The following FRMD3 variants were observed in gnomAD, a reference collection of about 807,000 sequenced individuals.
The protein encoded by FRMD3 is FERM domain containing 3.
Under a neutral mutation model 70.2 loss-of-function variants are expected in FRMD3, and 33 were observed. The observed-to-expected ratio is 0.47, with a 90% confidence interval of 0.36 to 0.63. The LOEUF (loss-of-function observed/expected upper bound fraction) is 0.63, where lower values mean the gene tolerates loss of function less well. FRMD3 is among the 20% of genes least tolerant of loss of function. The pLI is 0.00. For synonymous variants in FRMD3, 279 were observed against 255.9 expected (o/e 1.09, Z -0.86); for missense variants, 632 against 711.4 (o/e 0.89, Z 1.27).
intron 1 of FRMD3, among the ~76,000 whole-genome samples, chr9:83,416,743 C>G (rs914424191): frequency 7.7e-6 from 1 of 130,290 alleles, no homozygotes; most frequent in African/African-American, 3.1e-5. Flanking sequence ...ACATTTCTCT[C>G]TGTCTCTCTC....
chr9:83,341,509 C>T (rs943495086), intron 5 of FRMD3, among the ~76,000 whole-genome samples: 6 of 151,922 alleles, frequency 3.9e-5, no homozygotes, highest in East Asian at 1.9e-4. Context: ...GGATTAGTAT[C>T]GATTCCCTTG....
chr9:83,249,876 G>T (rs146105275), intron 13 of FRMD3, among the ~76,000 whole-genome samples: 3 of 152,230 alleles, frequency 2.0e-5, no homozygotes, highest in African/African-American at 7.2e-5. Flanking sequence ...TCTGGCCATT[G>T]TGAGAAAAAA....
intron 6 of FRMD3, among the ~76,000 whole-genome samples, chr9:83,320,802 T>C (rs930387315): frequency 1.3e-5 from 2 of 152,304 alleles, no homozygotes; most frequent in Admixed American, 6.5e-5. Flanking sequence ...CATCTGATCC[T>C]GGATGGATGT....
chr9:83,410,774 A>G (rs1364146140), intron 1 of FRMD3, among the ~76,000 whole-genome samples: 1 of 152,220 alleles, frequency 6.6e-6, no homozygotes, highest in East Asian at 1.9e-4. Flanking sequence ...GAAACAGTGT[A>G]TAAGTGTTCC....
intron 1 of FRMD3, among the ~76,000 whole-genome samples, chr9:83,524,477 C>A (rs888299812): frequency 6.6e-6 from 1 of 152,162 alleles, no homozygotes; most frequent in Admixed American, 6.5e-5. Context: ...CCTTGGATGA[C>A]AGTTCCAAGA....
At chr9:83,280,604 C>T (rs551935474) in intron 13 of FRMD3, among the ~76,000 whole-genome samples, 151 of 152,278 alleles carry the variant, frequency 9.9e-4, no homozygotes, top group South Asian at 4.8e-3. Context: ...CGCCCCTTTT[C>T]GTTTTGGTAG....
chr9:83,446,617 A>G (rs903577838), intron 1 of FRMD3, among the ~76,000 whole-genome samples: 11 of 143,188 alleles, frequency 7.7e-5, no homozygotes, highest in African/African-American at 2.9e-4. Context: ...ACTGCACTCC[A>G]GCCTGGGCGA....
chr9:83,306,304 G>T (rs558286671), intron 10 of FRMD3, among the ~76,000 whole-genome samples: 2 of 152,110 alleles, frequency 1.3e-5, no homozygotes, highest in Non-Finnish European at 2.9e-5. Context: ...CTGTCTGCAC[G>T]TAAAGAATGA....
intron 3 of FRMD3, among the ~76,000 whole-genome samples, chr9:83,366,483 G>A (rs1824789425): frequency 6.6e-6 from 1 of 152,176 alleles, no homozygotes; most frequent in South Asian, 2.1e-4. Flanking sequence ...TGAGGCAGGA[G>A]AATTGCTTGA....
the FRMD3 span, among the ~76,000 whole-genome samples, chr9:83,571,521 GC>G: frequency 3.3e-5 from 5 of 152,188 alleles, 1 homozygote; most frequent in African/African-American, 1.2e-4. Flanking sequence ...GATACCAGTA[GC>G]TTTGTTTTAG....
intron 1 of FRMD3, among the ~76,000 whole-genome samples, chr9:83,458,140 T>C (rs1349570384): frequency 6.6e-6 from 1 of 152,048 alleles, no homozygotes; most frequent in Middle Eastern, 3.2e-3. Flanking sequence ...TTGAAGTGGA[T>C]TTTTAAGGTC....
chr9:83,509,945 T>C, intron 1 of FRMD3, among the ~76,000 whole-genome samples: 1 of 152,176 alleles, frequency 6.6e-6, no homozygotes, highest in South Asian at 2.1e-4. Context: ...TGACTTAGAT[T>C]GTAAATATAA....
intron 1 of FRMD3, among the ~76,000 whole-genome samples, chr9:83,514,563 G>T (rs548013215): frequency 1.3e-5 from 2 of 152,158 alleles, no homozygotes; most frequent in African/African-American, 4.8e-5. Flanking sequence ...GTTCCAGCCT[G>T]CCAACTCTGA....
intron 1 of FRMD3, among the ~76,000 whole-genome samples, chr9:83,482,618 C>A (rs1828594236): frequency 6.6e-6 from 1 of 152,020 alleles, no homozygotes; most frequent in African/African-American, 2.4e-5. Flanking sequence ...TTGGTATACA[C>A]AATAAAGATG....
chr9:83,267,864 T>G (rs1833346377), intron 13 of FRMD3, among the ~76,000 whole-genome samples: 1 of 152,230 alleles, frequency 6.6e-6, no homozygotes, highest in Non-Finnish European at 1.5e-5. Context: ...GTTCAGTAGC[T>G]ATATATGGTT....
At chr9:83,450,930 T>C (rs1334585729) in intron 1 of FRMD3, among the ~76,000 whole-genome samples, 1 of 152,214 alleles carries the variant, frequency 6.6e-6, no homozygotes, top group Non-Finnish European at 1.5e-5. Context: ...GAAATGAGGC[T>C]TTAATGAATG....
intron 1 of FRMD3, among the ~76,000 whole-genome samples, chr9:83,498,436 T>G (rs984081163): frequency 5.3e-5 from 8 of 152,192 alleles, no homozygotes; most frequent in Admixed American, 2.6e-4. Context: ...ATTTAGCACC[T>G]TCCATAAAAT....
intron 3 of FRMD3, among the ~76,000 whole-genome samples, chr9:83,369,801 C>T (rs897596670): frequency 1.6e-4 from 24 of 152,112 alleles, no homozygotes; most frequent in African/African-American, 5.8e-4. Flanking sequence ...GGCTTATATA[C>T]ATTCATAAAA....
At position 83,376,107 on chromosome 9, in the gene FRMD3, C is replaced by A. The variant is rs80083151; in HGVS notation, c.253-3152G>T. On this transcript the variant is annotated intron_variant, in intron 2 of 13. Transcript: ENST00000304195. ...CCCAGGAGGCAAAGGTTGCAGTGAG[C>A]CAAGATGGCGCCATTGCACTCCAGC... 5.0e-4 allele frequency among the ~76,000 whole-genome samples: 76 copies of A among 150,680 alleles called. No individual in the cohort carries two copies. The East Asian group carries it at 0.014, about 28-fold the overall frequency.
Sources: gnomAD v4.1 joint callset for allele counts (sites outside exome capture counted in the v4.1 genomes callset) on GRCh38, gnomAD v4.1.1 for gene constraint, MANE v1.5 for transcripts, NCBI Gene and HGNC (gene_info 2026-07-23, HGNC 2026-07-21) for gene names.